ARHGAP31: variants seen among roughly 807,000 people sequenced by gnomAD.
The protein encoded by ARHGAP31 is rho GTPase-activating protein 31.
A neutral mutation model predicts 113.9 loss-of-function variants in ARHGAP31; 34 were observed. The observed-to-expected ratio is 0.30, with a 90% CI of 0.23 to 0.40. ARHGAP31 has a LOEUF of 0.40. ARHGAP31 is among the 10% of genes least tolerant of loss of function. The pLI is 1.00. For synonymous variants in ARHGAP31, 650 were observed against 684.8 expected, an observed-to-expected ratio of 0.95 and a Z score of 0.79; for missense variants, 1,548 against 1,767.1, an observed-to-expected ratio of 0.88 and a Z score of 2.22.
At chr3:119,346,328 C>A (rs533114283) in intron 1 of ARHGAP31, among the ~76,000 whole-genome samples, 5 of 152,354 alleles carry the variant, frequency 3.3e-5, no homozygotes, top group African/African-American at 7.2e-5. Flanking sequence ...GGATCAGCTA[C>A]TCGCTATTTA....
At chr3:119,405,986 T>C (rs780212701) in intron 10 of ARHGAP31, among the ~76,000 whole-genome samples, 1 of 152,186 alleles carries the variant, frequency 6.6e-6, no homozygotes, top group Non-Finnish European at 1.5e-5. Flanking sequence ...TGACATGGTA[T>C]GGGAAAGCTA....
rs2080791402 is a variant in ARHGAP31 at position 119,417,786 on chromosome 3, C to G, written c.*1522C>G. Reference sequence around the variant, plus strand: ...AGAGAAAGGAGAACTAATATACCTGCTGGCAGATTTTTGGTGCTGCCCAAA... The same window carrying G: ...AGAGAAAGGAGAACTAATATACCTGGTGGCAGATTTTTGGTGCTGCCCAAA... On this transcript the variant is annotated 3_prime_UTR_variant, in exon 12 of 12. Transcript: ENST00000264245. 1 of 152,124 alleles carries G rather than the reference C, an allele frequency of 6.6e-6. No homozygotes were observed. Among genetic ancestry groups the G allele is most frequent in the Non-Finnish European group, 1.5e-5 (1 of 68,038 alleles). The allele number at this position is 152,124 out of a possible 1,614,324, so 9.4% of individuals were successfully genotyped here.
chr3:119,383,764 C>G (rs2080424081), intron 6 of ARHGAP31, among the ~76,000 whole-genome samples: 1 of 152,138 alleles, frequency 6.6e-6, no homozygotes, highest in African/African-American at 2.4e-5. Context: ...AGTAGGCATA[C>G]AAAAATGATT....
chr3:119,385,585 C>G (rs1385340315), intron 6 of ARHGAP31, among the ~76,000 whole-genome samples: 1 of 152,090 alleles, frequency 6.6e-6, no homozygotes, highest in Non-Finnish European at 1.5e-5. Flanking sequence ...TATTCATTCA[C>G]CCTTTTGAGC....
chr3:119,382,770 C>A (rs2080413188), intron 5 of ARHGAP31, among the ~76,000 whole-genome samples: 1 of 152,060 alleles, frequency 6.6e-6, no homozygotes, highest in Non-Finnish European at 1.5e-5. Flanking sequence ...TAAATAATGA[C>A]CTGCTCCATA....
intron 3 of ARHGAP31, among the ~76,000 whole-genome samples, chr3:119,369,532 C>A (rs1233997534): frequency 6.6e-6 from 1 of 152,088 alleles, no homozygotes; most frequent in Non-Finnish European, 1.5e-5. Context: ...TTTCTCATGG[C>A]TCCTGTAATA....
intron 7 of ARHGAP31, among the ~76,000 whole-genome samples, chr3:119,393,201 G>A (rs566576025): frequency 6.0e-4 from 92 of 152,188 alleles, no homozygotes; most frequent in Admixed American, 1.2e-3. Context: ...GCATCTGTTT[G>A]CCCCCACCTC....
At chr3:119,313,097 C>T (rs1267354668) in intron 1 of ARHGAP31, among the ~76,000 whole-genome samples, 1 of 152,160 alleles carries the variant, frequency 6.6e-6, no homozygotes, top group Non-Finnish European at 1.5e-5. Flanking sequence ...TGAGATTCTA[C>T]TGAATGGATG....
intron 6 of ARHGAP31, among the ~76,000 whole-genome samples, chr3:119,386,706 C>T (rs1024708023): frequency 1.5e-4 from 23 of 152,116 alleles, no homozygotes; most frequent in African/African-American, 5.3e-4. Flanking sequence ...TGTCGGGCTG[C>T]GCTGTTATTT....
intron 1 of ARHGAP31, among the ~76,000 whole-genome samples, chr3:119,328,704 G>A (rs1040733542): frequency 7.3e-5 from 11 of 151,676 alleles, no homozygotes; most frequent in African/African-American, 2.2e-4. Flanking sequence ...GCAATGGCGC[G>A]ATCTTGGCTC....
chr3:119,339,643 G>GAC (rs2079990642), intron 1 of ARHGAP31, among the ~76,000 whole-genome samples: 1 of 152,078 alleles, frequency 6.6e-6, no homozygotes, highest in Non-Finnish European at 1.5e-5. Context: ...ACCAACTTTT[G>GAC]ACAGAGTTGG....
chr3:119,304,606 C>T (rs902430509), intron 1 of ARHGAP31, among the ~76,000 whole-genome samples: 1 of 152,114 alleles, frequency 6.6e-6, no homozygotes, highest in East Asian at 1.9e-4. Context: ...CAGAAGCCTG[C>T]CTTCAGCTGC....
intron 1 of ARHGAP31, among the ~76,000 whole-genome samples, chr3:119,319,942 A>G (rs974411263): frequency 1.3e-5 from 2 of 152,212 alleles, no homozygotes; most frequent in African/African-American, 2.4e-5. Context: ...CTCCCCTGGC[A>G]GGGGAAGAAT....
chr3:119,380,814 G>A, intron 3 of ARHGAP31, 90 bp from the exon 4 acceptor site: 1 of 1,061,540 alleles, frequency 9.4e-7, no homozygotes, highest in South Asian at 1.3e-5. Context: ...TGTGAGGCTG[G>A]AGTATGAGGG....
chr3:119,371,223 C>A (rs2107625690), intron 3 of ARHGAP31, among the ~76,000 whole-genome samples: 1 of 152,214 alleles, frequency 6.6e-6, no homozygotes, highest in Admixed American at 6.5e-5. Context: ...GATAGGAATT[C>A]TTTGTCTGGA....
At chr3:119,355,892 A>G (rs975720409) in intron 1 of ARHGAP31, among the ~76,000 whole-genome samples, 10 of 152,166 alleles carry the variant, frequency 6.6e-5, no homozygotes, top group Non-Finnish European at 1.2e-4. Flanking sequence ...TCACTGATGG[A>G]CATTTGGATT....
chr3:119,321,279 C>CTATATATAG (rs2079782047), intron 1 of ARHGAP31, among the ~76,000 whole-genome samples: 1 of 140,438 alleles, frequency 7.1e-6, no homozygotes, highest in South Asian at 2.2e-4. Flanking sequence ...TATATATATA[C>CTATATATAG]TATATATATA....
intron 6 of ARHGAP31, among the ~76,000 whole-genome samples, chr3:119,388,215 T>C (rs1179729449): frequency 6.6e-6 from 1 of 151,078 alleles, no homozygotes; most frequent in Non-Finnish European, 1.5e-5. Context: ...TTTTGTCTTA[T>C]ACTGTGTAAT....
chr3:119,334,552 A>G (rs929572631), intron 1 of ARHGAP31, among the ~76,000 whole-genome samples: 1 of 152,220 alleles, frequency 6.6e-6, no homozygotes, highest in African/African-American at 2.4e-5. Flanking sequence ...GGTGACCCAT[A>G]TAACTTATCA....
Sources: allele counts gnomAD v4.1 joint callset (sites outside exome capture counted in the v4.1 genomes callset), GRCh38; gene constraint gnomAD v4.1.1; transcripts MANE v1.5; gene names NCBI Gene and HGNC (gene_info 2026-07-23, HGNC 2026-07-21).